The following TENM3 variants were observed in gnomAD, a reference collection of about 807,000 sequenced individuals.
The protein encoded by TENM3 is teneurin transmembrane protein 3, also known as teneurin-3.
Under a neutral mutation model 255.1 loss-of-function variants are expected in TENM3, and 63 were observed. That is an observed-to-expected ratio of 0.25 (90% CI 0.20 to 0.30). The LOEUF is 0.30. Among genes scored for constraint, TENM3 ranks in the 10% least tolerant of loss-of-function variants. The pLI is 1.00. For missense variants in TENM3, 2,929 were observed against 3,461.1 expected (o/e 0.85, Z 3.86); for synonymous variants, 1,306 against 1,322.3 (o/e 0.99, Z 0.27).
At chr4:182,741,413 A>G (rs1283719443) in intron 18 of TENM3, among the ~76,000 whole-genome samples, 3 of 152,184 alleles carry the variant, frequency 2.0e-5, no homozygotes, top group Non-Finnish European at 4.4e-5. Flanking sequence ...GCTGACAGTT[A>G]TTCGTGCGGG....
At chr4:182,120,080 C>T in the TENM3 span, among the ~76,000 whole-genome samples, 1 of 6,350 alleles carries the variant, frequency 1.6e-4, no homozygotes, top group Non-Finnish European at 3.3e-4. Flanking sequence ...CAAATACACA[C>T]ATGCGTGCGT....
At chr4:182,158,929 A>G (rs562378916) in intron 1 of TENM3, among the ~76,000 whole-genome samples, 5 of 152,240 alleles carry the variant, frequency 3.3e-5, no homozygotes, top group Admixed American at 6.5e-5. Flanking sequence ...AATAATAAAA[A>G]GATCAATAAA....
chr4:182,553,042 C>T (rs1053510972), intron 3 of TENM3, among the ~76,000 whole-genome samples: 4 of 152,162 alleles, frequency 2.6e-5, no homozygotes, highest in African/African-American at 9.7e-5. Flanking sequence ...GGGCAGCCCT[C>T]TCGTAAATAT....
chr4:182,716,419 CTA>C (rs1409255566), intron 13 of TENM3, among the ~76,000 whole-genome samples: 1 of 152,176 alleles, frequency 6.6e-6, no homozygotes, highest in Non-Finnish European at 1.5e-5. Context: ...TGAAACTATG[CTA>C]TCTCTAGGCT....
chr4:182,313,729 T>A (rs967033930), intron 1 of TENM3, among the ~76,000 whole-genome samples: 1 of 152,210 alleles, frequency 6.6e-6, no homozygotes, highest in East Asian at 1.9e-4. Context: ...GGCCTCCTGT[T>A]TTCTCTCTCT....
intron 3 of TENM3, among the ~76,000 whole-genome samples, chr4:182,568,447 A>G (rs530137572): frequency 1.3e-5 from 2 of 152,362 alleles, no homozygotes; most frequent in South Asian, 2.1e-4. Flanking sequence ...TAGAAGGTCA[A>G]GAAGGTATGA....
At chr4:181,857,551 C>CAAAAAAAA in the TENM3 span, among the ~76,000 whole-genome samples, 10 of 104,780 alleles carry the variant, frequency 9.5e-5, no homozygotes, top group Non-Finnish European at 1.5e-4. Flanking sequence ...CCTGTCTCTA[C>CAAAAAAAA]AAAAAAAAAA....
At chr4:181,781,431 G>T in the TENM3 span, among the ~76,000 whole-genome samples, 1 of 152,090 alleles carries the variant, frequency 6.6e-6, no homozygotes, top group Non-Finnish European at 1.5e-5. Flanking sequence ...TCTGTTATTG[G>T]TGTATAAGAA....
chr4:182,581,662 A>T (rs1003267683), intron 3 of TENM3, among the ~76,000 whole-genome samples: 1 of 152,090 alleles, frequency 6.6e-6, no homozygotes, highest in Admixed American at 6.6e-5. Context: ...TCTTGAACCC[A>T]GGAGGCGGAG....
the TENM3 span, among the ~76,000 whole-genome samples, chr4:181,640,914 A>T: frequency 6.6e-6 from 1 of 152,194 alleles, no homozygotes; most frequent in Non-Finnish European, 1.5e-5. Context: ...ATTCCATAGA[A>T]ACCATAACAC....
At chr4:182,533,168 T>C (rs1739941460) in intron 3 of TENM3, among the ~76,000 whole-genome samples, 1 of 152,230 alleles carries the variant, frequency 6.6e-6, no homozygotes, top group African/African-American at 2.4e-5. Context: ...CCTGTGGATG[T>C]GTTTTTATGG....
At position 182,602,750 on chromosome 4, in the gene TENM3, C is replaced by T. The variant is rs17073621; in HGVS notation, c.749+1589C>T. Among the ~76,000 whole-genome samples, 1,389 of 152,066 alleles carry T rather than the reference C, an allele frequency of 9.1e-3. 17 individuals carry two copies. Among genetic ancestry groups the T allele is most frequent in the African/African-American group, 0.032 (1,319 of 41,464 alleles). ...TTTTTCCTGAGGTTATTAGCACAGA[C>T]GTAAATTTACCCAGTGTAATTAATT... On this transcript the variant is annotated intron_variant, in intron 4 of 27. Transcript: ENST00000511685.
the TENM3 span, among the ~76,000 whole-genome samples, chr4:181,471,131 T>C: frequency 2.6e-5 from 4 of 152,190 alleles, no homozygotes; most frequent in Non-Finnish European, 4.4e-5. Context: ...TCTTCCACAT[T>C]GTTAATTTTA....
At chr4:181,552,431 C>T in the TENM3 span, among the ~76,000 whole-genome samples, 1 of 152,096 alleles carries the variant, frequency 6.6e-6, no homozygotes, top group African/African-American at 2.4e-5. Context: ...AGTGATGGTG[C>T]AATAGAAAGC....
chr4:182,728,917 TG>T, intron 13 of TENM3, 47 bp from the exon 14 acceptor site: 1 of 1,460,744 alleles, frequency 6.8e-7, no homozygotes, highest in Non-Finnish European at 9.5e-7. Flanking sequence ...TTCTACATTA[TG>T]GCATCAAAAG....
At chr4:182,630,046 C>G (rs1446592708) in intron 5 of TENM3, among the ~76,000 whole-genome samples, 1 of 152,168 alleles carries the variant, frequency 6.6e-6, no homozygotes, top group Non-Finnish European at 1.5e-5. Flanking sequence ...CTCTCCTTAA[C>G]CCGATTACAT....
chr4:181,535,600 T>C, the TENM3 span, among the ~76,000 whole-genome samples: 1 of 152,210 alleles, frequency 6.6e-6, no homozygotes, highest in Admixed American at 6.5e-5. Context: ...AGGTAGATTC[T>C]TTATAATGGC....
intron 13 of TENM3, among the ~76,000 whole-genome samples, chr4:182,724,031 G>A (rs190118879): frequency 6.6e-6 from 1 of 152,342 alleles, no homozygotes; most frequent in East Asian, 1.9e-4. Flanking sequence ...AGACTGAGCG[G>A]AGGGAAGCAT....
intron 3 of TENM3, among the ~76,000 whole-genome samples, chr4:182,600,506 A>T (rs1747722014): frequency 6.6e-6 from 1 of 152,194 alleles, no homozygotes; most frequent in Non-Finnish European, 1.5e-5. Context: ...TATAGGGATT[A>T]TATGCATTTT....
Sources: gnomAD v4.1 joint callset for allele counts (sites outside exome capture counted in the v4.1 genomes callset) on GRCh38, gnomAD v4.1.1 for gene constraint, MANE v1.5 for transcripts, NCBI Gene and HGNC (gene_info 2026-07-23, HGNC 2026-07-21) for gene names.